The following FBN3 variants were observed in gnomAD, a reference collection of about 807,000 sequenced individuals.
FBN3 encodes fibrillin-3.
Under a neutral mutation model 330.1 loss-of-function variants are expected in FBN3, and 234 were observed. The ratio of observed to expected loss-of-function variants is 0.71; its 90% CI spans 0.64 to 0.79. The LOEUF (loss-of-function observed/expected upper bound fraction) is 0.79, where lower values mean the gene tolerates loss of function less well. Among genes scored for constraint, FBN3 ranks in the 30% least tolerant of loss-of-function variants. FBN3 has a pLI of 0.00. For missense variants in FBN3, 3,606 were observed against 3,886.9 expected (o/e 0.93, Z 1.92); for synonymous variants, 1,458 against 1,517.3 (o/e 0.96, Z 0.91).
chr19:8,071,815 T>G (rs1019867443), intron 63 of FBN3, among the ~76,000 whole-genome samples: 1 of 151,210 alleles, frequency 6.6e-6, no homozygotes, highest in African/African-American at 2.4e-5. Context: ...TCACCAGGAG[T>G]GAGGCAGAGT....
intron 6 of FBN3, among the ~76,000 whole-genome samples, chr19:8,143,819 C>T (rs67797753): frequency 0.34 from 39,861 of 117,018 alleles, 6,691 homozygotes; most frequent in South Asian, 0.51. Context: ...TTCTTTCTTT[C>T]TTTTTTTTTT....
rs979220838 is a variant in FBN3 at position 8,085,321 on chromosome 19, G to A, written c.7087+42C>T. ...CACATGACCCTGAGCAAACTCCCCCGTTTCTTGCCTCCCTGGGGGTCCTGA... is the reference window on the plus strand; with the variant it reads ...CACATGACCCTGAGCAAACTCCCCCATTTCTTGCCTCCCTGGGGGTCCTGA... On this transcript the variant is annotated intron_variant, in intron 56 of 63. Coordinates refer to ENST00000600128, the MANE Select transcript of FBN3 (RefSeq NM_032447.5). The A allele has an allele frequency of 2.2e-5, 33 of 1,521,710 alleles. 1 individual carries two copies. Among genetic ancestry groups the A allele is most frequent in the Admixed American group, 1.7e-4 (8 of 46,158 alleles). The allele number at this position is 1,521,710 out of a possible 1,614,324, so 94.3% of individuals were successfully genotyped here.
intron 30 of FBN3, among the ~76,000 whole-genome samples, chr19:8,114,092 G>C (rs1233424970): frequency 6.6e-6 from 1 of 152,022 alleles, no homozygotes; most frequent in Non-Finnish European, 1.5e-5. Context: ...ACAGAGACTG[G>C]AATGACACAT....
In FBN3 at chr19:8,083,229, G is replaced by A. The variant is rs2081848172; in HGVS notation, c.7213+18C>T. The A allele has an allele frequency of 2.5e-6, 4 of 1,613,746 alleles. No homozygotes were observed. Among genetic ancestry groups the A allele is most frequent in the East Asian group, 4.5e-5 (2 of 44,874 alleles). On this transcript the variant is annotated intron_variant, in intron 57 of 63. Transcript: ENST00000600128. ...GCCAGGCTGGGCCAAGGGTGCAGGT[G>A]CAGAGGGCTGGGCTCACCCAGGCAG...
chr19:8,092,014 A>G (rs2082107136), intron 47 of FBN3, among the ~76,000 whole-genome samples: 1 of 151,866 alleles, frequency 6.6e-6, no homozygotes, highest in Admixed American at 6.6e-5. Flanking sequence ...ACCATCTACT[A>G]ACAATACAAA....
At chr19:8,128,897 A>G in intron 18 of FBN3, 131 bp downstream of exon 18, 1 of 1,068,652 alleles carries the variant, frequency 9.4e-7, no homozygotes, top group Non-Finnish European at 1.3e-6. Context: ...TACATATAGC[A>G]TGCGTGTGTG....
intron 25 of FBN3, among the ~76,000 whole-genome samples, chr19:8,120,778 A>G (rs1052489317): frequency 2.0e-5 from 3 of 152,170 alleles, no homozygotes. Flanking sequence ...CACCCAGCCC[A>G]GTTTTGCATT....
At chr19:8,135,858 G>C in intron 13 of FBN3, 103 bp downstream of exon 13, 1 of 1,319,970 alleles carries the variant, frequency 7.6e-7, no homozygotes, top group Non-Finnish European at 1.0e-6. Context: ...AGACGTCGTA[G>C]GGAGGGAGGT....
At chr19:8,123,715 C>T in intron 23 of FBN3, 69 bp downstream of exon 23, 1 of 1,596,760 alleles carries the variant, frequency 6.3e-7, no homozygotes. Context: ...CACTTCCCAT[C>T]TCCAGGCTTT....
chr19:8,124,111 G>A (rs963327313), intron 22 of FBN3, 103 bp from the exon 23 acceptor site: 35 of 1,023,512 alleles, frequency 3.4e-5, no homozygotes, highest in East Asian at 5.2e-5. Context: ...TCTCCCGGAC[G>A]TAGTCAGGTC....
In FBN3 at chr19:8,111,638, C is replaced by T; in HGVS notation, c.4084+10G>A. ...CTAGGGCCCCTGCCCTCCCACCCCT[C>T]TAATCTCACCTTCGCAGAAGAAGCC... On this transcript the variant is annotated intron_variant, in intron 32 of 63. Transcript: ENST00000600128. 6.3e-7 allele frequency: 1 copy of T among 1,595,002 alleles called. No individual in the cohort carries two copies. Among genetic ancestry groups the T allele is most frequent in the South Asian group, 1.1e-5 (1 of 89,904 alleles).
intron 59 of FBN3, among the ~76,000 whole-genome samples, chr19:8,076,893 C>T (rs1216869431): frequency 6.6e-6 from 1 of 152,078 alleles, no homozygotes; most frequent in Admixed American, 6.6e-5. Flanking sequence ...TCCTGGGTAG[C>T]TGGGACTACA....
chr19:8,116,916 C>A, intron 28 of FBN3, 117 bp from the exon 29 acceptor site: 2 of 1,330,598 alleles, frequency 1.5e-6, no homozygotes, highest in South Asian at 1.4e-5. Context: ...GATGGTCACT[C>A]GAGTAGTCTG....
chr19:8,085,239 AC>A, intron 56 of FBN3, 123 bp downstream of exon 56: 1 of 770,076 alleles, frequency 1.3e-6, no homozygotes, highest in Non-Finnish European at 2.1e-6. Context: ...ACACACACAC[AC>A]ACACACACAC....
rs116468610 is a variant in FBN3 at position 8,087,923 on chromosome 19, G to A, written c.6521C>T (p.Pro2174Leu). The A allele has an allele frequency of 3.5e-4, 561 of 1,614,176 alleles. No homozygotes were observed. Among genetic ancestry groups the A allele is most frequent in the African/African-American group, 8.3e-4 (62 of 75,042 alleles). The stretch of plus-strand genomic sequence containing the variant: ...GTGGCAGCGGAAGGCACAGAGCAGC[G>A]GGTTCAGGGAGCATTCGTCGATGTC... ...CEDIDECSLN[P>L]LLCAFRCHNT... Residue 2174 changes from proline to leucine, a missense_variant, in exon 53 of 64, where the codon CCG becomes CTG. Physicochemically the swap from Pro to Leu is moderately conservative, Grantham distance 98. Coordinates refer to ENST00000600128, the MANE Select transcript of FBN3 (RefSeq NM_032447.5).
rs778116721 is a variant in FBN3, at chr19:8,123,605, A to G, written c.2957-16T>C. ...TCATTCACATCTGAAGTACAGGGGC[A>G]TCAAACCACCCTGACGTCCCCAAGC... On this transcript the variant is annotated splice_polypyrimidine_tract_variant and intron_variant, in intron 23 of 63. Transcript: ENST00000600128. 6.2e-7 allele frequency: 1 copy of G among 1,613,508 alleles called. No individual in the cohort carries two copies. The highest frequency in any genetic ancestry group is 8.5e-7 in the Non-Finnish European group (1 of 1,179,460).
At chr19:8,148,181 T>G (rs763243599) in intron 1 of FBN3, among the ~76,000 whole-genome samples, 5 of 152,052 alleles carry the variant, frequency 3.3e-5, no homozygotes, top group Non-Finnish European at 7.4e-5. Flanking sequence ...TGGCCCTGTG[T>G]CCCCTCGCCT....
intron 63 of FBN3, 127 bp downstream of exon 63, chr19:8,071,921 A>G: frequency 1.1e-6 from 1 of 927,434 alleles, no homozygotes; most frequent in Non-Finnish European, 1.6e-6. Context: ...GACATGGGGA[A>G]CCTGTTGGGA....
intron 63 of FBN3, among the ~76,000 whole-genome samples, chr19:8,070,731 G>C: frequency 6.6e-6 from 1 of 152,150 alleles, no homozygotes; most frequent in South Asian, 2.1e-4. Context: ...AGGGATAATA[G>C]TGGCATCTAG....
Sources: gnomAD v4.1 joint callset for allele counts (sites outside exome capture counted in the v4.1 genomes callset) on GRCh38, gnomAD v4.1.1 for gene constraint, MANE v1.5 for transcripts, NCBI Gene and HGNC (gene_info 2026-07-23, HGNC 2026-07-21) for gene names.